STEAP1B: variants seen among roughly 807,000 people sequenced by gnomAD.
STEAP1B encodes STEAP family protein MGC87042.
STEAP1B carries 13 observed loss-of-function variants against 27.9 expected under a neutral mutation model. The observed-to-expected ratio is 0.47, with a 90% CI of 0.30 to 0.74. The LOEUF (loss-of-function observed/expected upper bound fraction) is 0.74. STEAP1B is among the 30% of genes least tolerant of loss of function. The probability of loss-of-function intolerance (pLI) is 0.06; values close to 1 mark genes in which losing one functional copy is unlikely to be tolerated. For missense variants in STEAP1B, 250 were observed against 298.7 expected (o/e 0.84, Z 1.20); for synonymous variants, 86 against 107.1 (o/e 0.80, Z 1.22).
At chr7:22,471,293 A>G (rs1583647527) in intron 4 of STEAP1B, among the ~76,000 whole-genome samples, 1 of 152,228 alleles carries the variant, frequency 6.6e-6, no homozygotes, top group African/African-American at 2.4e-5. Context: ...ACGCAGAGGA[A>G]GCTCACTCAC....
At chr7:22,446,704 A>AGTTAAT (rs1434428570) in intron 4 of STEAP1B, among the ~76,000 whole-genome samples, 1 of 152,102 alleles carries the variant, frequency 6.6e-6, no homozygotes, top group Non-Finnish European at 1.5e-5. Flanking sequence ...CCAAGATTAG[A>AGTTAAT]GTTAATAAGG....
At chr7:22,456,186 C>A (rs116464455) in intron 4 of STEAP1B, among the ~76,000 whole-genome samples, 247 of 152,100 alleles carry the variant, frequency 1.6e-3, no homozygotes, top group African/African-American at 5.6e-3. Context: ...TAAAATATTT[C>A]TTCTCCTTTT....
intron 4 of STEAP1B, among the ~76,000 whole-genome samples, chr7:22,426,312 C>T (rs1785106796): frequency 6.6e-6 from 1 of 151,936 alleles, no homozygotes; most frequent in African/African-American, 2.4e-5. Context: ...GTTAACATCA[C>T]AAGAAAGTAA....
intron 4 of STEAP1B, among the ~76,000 whole-genome samples, chr7:22,475,496 C>T (rs915007281): frequency 2.0e-5 from 3 of 152,204 alleles, no homozygotes; most frequent in African/African-American, 4.8e-5. Context: ...CTCAGCCTCC[C>T]GAGTACCTTG....
chr7:22,466,350 GT>G (rs1355689731), intron 4 of STEAP1B, among the ~76,000 whole-genome samples: 3 of 151,880 alleles, frequency 2.0e-5, no homozygotes, highest in Non-Finnish European at 4.4e-5. Context: ...TTGATAGGTA[GT>G]TTTTTTATTC....
intron 4 of STEAP1B, among the ~76,000 whole-genome samples, chr7:22,462,266 A>G (rs1343553551): frequency 6.6e-6 from 1 of 151,332 alleles, no homozygotes. Flanking sequence ...GTTTTAGGGT[A>G]CATGTGCACA....
intron 4 of STEAP1B, among the ~76,000 whole-genome samples, chr7:22,436,423 A>C (rs1452673161): frequency 1.4e-5 from 2 of 138,854 alleles, no homozygotes; most frequent in African/African-American, 2.4e-5. Flanking sequence ...CCATTTTTTT[A>C]AATTTAAGTT....
intron 4 of STEAP1B, among the ~76,000 whole-genome samples, chr7:22,467,671 T>C (rs1785809374): frequency 6.6e-6 from 1 of 152,194 alleles, no homozygotes; most frequent in Admixed American, 6.5e-5. Context: ...GATCTCACTC[T>C]TCTCTTGTCT....
chr7:22,491,023 C>T (rs1433677212), intron 4 of STEAP1B, among the ~76,000 whole-genome samples: 1 of 152,176 alleles, frequency 6.6e-6, no homozygotes, highest in Non-Finnish European at 1.5e-5. Flanking sequence ...GAGTATATAA[C>T]TGTTGGTTAA....
chr7:22,478,443 C>T (rs1786011143), intron 4 of STEAP1B, among the ~76,000 whole-genome samples: 1 of 152,192 alleles, frequency 6.6e-6, no homozygotes, highest in Non-Finnish European at 1.5e-5. Flanking sequence ...TTTTCTGCAC[C>T]TTTCTTTAAC....
At chr7:22,492,349 G>GAAAAAAAAAAAAAAAAAA (rs1371957621) in intron 4 of STEAP1B, 16 of 185,144 alleles carry the variant, frequency 8.6e-5, no homozygotes, top group African/African-American at 3.3e-4. Flanking sequence ...AAAAAAAAAG[G>GAAAAAAAAAAAAAAAAAA]ATATTTTAAT....
chr7:22,449,476 T>C (rs1187835777), intron 4 of STEAP1B, among the ~76,000 whole-genome samples: 1 of 152,248 alleles, frequency 6.6e-6, no homozygotes, highest in East Asian at 1.9e-4. Flanking sequence ...TGACAGGATC[T>C]TATCCTTTAC....
rs559973783 is a variant in STEAP1B, at chr7:22,485,354, A to C, written c.762+7211T>G. On this transcript the variant is annotated intron_variant, in intron 4 of 4. Coordinates refer to ENST00000678116, the MANE Select transcript of STEAP1B (RefSeq NM_001382447.1). ...TCAACATTGAAGCAAGACCTCCACC[A>C]GCAAAAAGATGACTCACTGAAAGCT... is the stretch of plus-strand genomic sequence containing the variant. 7.9e-5 allele frequency among the ~76,000 whole-genome samples: 12 copies of C among 152,366 alleles called. 1 individual carries two copies. In the Middle Eastern group the frequency reaches 0.014, roughly 173 times the overall value.
At chr7:22,487,209 G>A (rs1786224807) in intron 4 of STEAP1B, among the ~76,000 whole-genome samples, 1 of 152,128 alleles carries the variant, frequency 6.6e-6, no homozygotes, top group Non-Finnish European at 1.5e-5. Context: ...CAAGGCAGAA[G>A]GATCGCTTGA....
In STEAP1B at chr7:22,492,448, C is replaced by A. The variant is rs981720264; in HGVS notation, c.762+117G>T. 13 of 1,367,138 alleles carry A rather than the reference C, an allele frequency of 9.5e-6. No homozygotes were observed. In the African/African-American group the frequency reaches 1.8e-4, roughly 19 times the overall value. 84.7% of individuals were successfully genotyped at this position (1,367,138 alleles called of 1,614,324 possible). On this transcript the variant is annotated intron_variant, in intron 4 of 4. Coordinates refer to ENST00000678116, the MANE Select transcript of STEAP1B (RefSeq NM_001382447.1). The stretch of plus-strand genomic sequence containing the variant: ...AGCACATTATTAACTGGAACAAGTA[C>A]AAGATCTTTGCTGTTGAAAAACATT...
At chr7:22,456,638 G>A (rs1403444312) in intron 4 of STEAP1B, among the ~76,000 whole-genome samples, 2 of 152,084 alleles carry the variant, frequency 1.3e-5, no homozygotes, top group East Asian at 3.9e-4. Flanking sequence ...TGATAGATAA[G>A]GGGAAAGATG....
rs570553517 is a variant in STEAP1B at position 22,468,201 on chromosome 7, A to T, written c.762+24364T>A. Among the ~76,000 whole-genome samples the T allele has an allele frequency of 2.0e-5, 3 of 152,268 alleles. No homozygotes were observed. The East Asian group carries it at 5.8e-4, about 29-fold the overall frequency. On this transcript the variant is annotated intron_variant, in intron 4 of 4. Coordinates refer to ENST00000678116, the MANE Select transcript of STEAP1B (RefSeq NM_001382447.1). ...ATTTGGGATTATTTATACTAAAAAA[A>T]TTTATCTGAAATTCAAATTTAACTG...
At chr7:22,483,545 G>A (rs1202957947) in intron 4 of STEAP1B, among the ~76,000 whole-genome samples, 2 of 152,186 alleles carry the variant, frequency 1.3e-5, no homozygotes, top group Non-Finnish European at 2.9e-5. Flanking sequence ...AAGTCTATTA[G>A]TGTCATTTTC....
At chr7:22,425,811 C>A (rs1213971507) in intron 4 of STEAP1B, among the ~76,000 whole-genome samples, 1 of 152,200 alleles carries the variant, frequency 6.6e-6, no homozygotes, top group East Asian at 1.9e-4. Flanking sequence ...TCAGATTTGA[C>A]TTCTAGAAAA....
Sources: gnomAD v4.1 joint callset for allele counts (sites outside exome capture counted in the v4.1 genomes callset) on GRCh38, gnomAD v4.1.1 for gene constraint, MANE v1.5 for transcripts, NCBI Gene and HGNC (gene_info 2026-07-23, HGNC 2026-07-21) for gene names.